DPP10: variants seen among roughly 807,000 people sequenced by gnomAD.
DPP10 encodes the protein dipeptidyl peptidase like 10, also known as inactive dipeptidyl peptidase 10.
A neutral mutation model predicts 120.9 loss-of-function variants in DPP10; 33 were observed. The observed-to-expected ratio is 0.27, with a 90% CI of 0.21 to 0.37. DPP10 has a LOEUF of 0.37. DPP10 is among the 10% of genes least tolerant of loss of function. The probability of loss-of-function intolerance (pLI) is 1.00; values close to 1 mark genes in which losing one functional copy is unlikely to be tolerated. For missense variants in DPP10, 816 were observed against 942.8 expected (o/e 0.87, Z 1.76); for synonymous variants, 337 against 326.1 (o/e 1.03, Z -0.36).
chr2:114,544,992 C>G (rs1024869105), intron 1 of DPP10, among the ~76,000 whole-genome samples: 2 of 151,940 alleles, frequency 1.3e-5, no homozygotes, highest in Non-Finnish European at 2.9e-5. Context: ...GCTGGGATTA[C>G]AGGCGCCCGC....
At chr2:114,650,941 A>G (rs182708048) in intron 1 of DPP10, among the ~76,000 whole-genome samples, 3 of 152,262 alleles carry the variant, frequency 2.0e-5, no homozygotes, top group African/African-American at 4.8e-5. Context: ...CTAGCTAACT[A>G]TAACTCATAC....
chr2:115,551,317 T>C (rs962330668), intron 5 of DPP10, among the ~76,000 whole-genome samples: 2 of 152,110 alleles, frequency 1.3e-5, no homozygotes, highest in Non-Finnish European at 2.9e-5. Flanking sequence ...TAAGAACAAA[T>C]TGCTCTTGTG....
At chr2:115,509,645 G>A (rs544967718) in intron 4 of DPP10, among the ~76,000 whole-genome samples, 6 of 152,170 alleles carry the variant, frequency 3.9e-5, no homozygotes, top group South Asian at 2.1e-4. Flanking sequence ...CAGCCTGGAC[G>A]ACAGAGCAAG....
intron 1 of DPP10, among the ~76,000 whole-genome samples, chr2:114,621,678 A>T (rs922318690): frequency 6.6e-5 from 10 of 152,110 alleles, no homozygotes; most frequent in East Asian, 1.9e-4. Flanking sequence ...GCAAAATGAC[A>T]TGAAACCTCT....
intron 5 of DPP10, among the ~76,000 whole-genome samples, chr2:115,529,208 T>C (rs1387858311): frequency 3.3e-5 from 5 of 152,108 alleles, no homozygotes; most frequent in Non-Finnish European, 7.4e-5. Context: ...TTCACTCTTG[T>C]TGCCCAGGCT....
At chr2:114,456,842 A>G (rs968134954) in intron 1 of DPP10, among the ~76,000 whole-genome samples, 1 of 152,210 alleles carries the variant, frequency 6.6e-6, no homozygotes, top group African/African-American at 2.4e-5. Context: ...ATATGAAGCC[A>G]GCATAAAGTG....
chr2:115,162,110 T>A, intron 1 of DPP10: 2 of 1,512,524 alleles, frequency 1.3e-6, no homozygotes, highest in Non-Finnish European at 1.8e-6. Flanking sequence ...CTTCCCAGGC[T>A]GGGCTCCCGC....
At chr2:114,822,634 G>A (rs769522788) in intron 1 of DPP10, among the ~76,000 whole-genome samples, 5 of 151,652 alleles carry the variant, frequency 3.3e-5, no homozygotes, top group Non-Finnish European at 5.9e-5. Flanking sequence ...AATGCTTTAA[G>A]TTCTAGGGTA....
intron 1 of DPP10, among the ~76,000 whole-genome samples, chr2:115,010,282 A>G (rs1183505126): frequency 4.6e-5 from 7 of 152,220 alleles, no homozygotes; most frequent in Admixed American, 3.9e-4. Context: ...CACAGTTGCT[A>G]TCTATCCAGT....
intron 5 of DPP10, among the ~76,000 whole-genome samples, chr2:115,634,278 G>C (rs1261181783): frequency 6.6e-6 from 1 of 152,136 alleles, no homozygotes; most frequent in Non-Finnish European, 1.5e-5. Context: ...GAGGAGAAGA[G>C]GCACTCTGGC....
chr2:114,967,700 C>T lies in DPP10; in HGVS notation c.61-341539C>T, dbSNP rs145505976. Among the ~76,000 whole-genome samples the T allele has an allele frequency of 3.6e-3, 549 of 152,224 alleles. 4 individuals carry two copies. The highest frequency in any genetic ancestry group is 0.013 in the African/African-American group (526 of 41,550). On this transcript the variant is annotated intron_variant, in intron 1 of 25. Transcript: ENST00000410059. ...TATGTTTTCAAAGCTGCTTATTGGT[C>T]GTGAGACCCAAAAGTCTTGGTCATT...
Position 115,220,040 on chromosome 2 carries a change from A to G in DPP10, c.61-89199A>G, listed in dbSNP as rs531437826. On this transcript the variant is annotated intron_variant, in intron 1 of 25. Transcript: ENST00000410059. Reference sequence around the variant, plus strand: ...TTACTGAACACTTACTGTGATCTTTATAAGGGTCAGCTAACTTAATCTTTA... The same window carrying G: ...TTACTGAACACTTACTGTGATCTTTGTAAGGGTCAGCTAACTTAATCTTTA... 2.0e-5 allele frequency among the ~76,000 whole-genome samples: 3 copies of G among 152,316 alleles called. No individual in the cohort carries two copies. The South Asian group carries it at 6.2e-4, about 32-fold the overall frequency.
chr2:115,371,031 A>G (rs1388129618), intron 3 of DPP10, among the ~76,000 whole-genome samples: 3 of 152,148 alleles, frequency 2.0e-5, no homozygotes, highest in African/African-American at 7.2e-5. Flanking sequence ...TTGTTAAAAA[A>G]TTAAAGGTTT....
chr2:115,830,217 G>A (rs1222165685), intron 21 of DPP10, among the ~76,000 whole-genome samples: 2 of 151,998 alleles, frequency 1.3e-5, no homozygotes, highest in Non-Finnish European at 2.9e-5. Flanking sequence ...AATTGGCTGG[G>A]TGTGGTGGCG....
rs11399436 is a variant in DPP10 at position 115,723,622 on chromosome 2, G to GTTT, written c.577-4181_577-4179dup. On this transcript the variant is annotated intron_variant, in intron 7 of 25. Coordinates refer to ENST00000410059, the MANE Select transcript of DPP10 (RefSeq NM_020868.6). The stretch of plus-strand genomic sequence containing the variant: ...TTTGTTGTTGTTGTTGTTGTTTTTT[G>GTTT]TTTTTTTTTTTTTTTACACGGCTAG... Among the ~76,000 whole-genome samples, 115 of 142,962 alleles carry GTTT rather than the reference G, an allele frequency of 8.0e-4. 2 individuals are homozygous for GTTT. The highest frequency in any genetic ancestry group is 2.8e-3 in the African/African-American group (107 of 37,850). 93.8% of individuals were successfully genotyped at this position (142,962 alleles called of 152,430 possible).
intron 1 of DPP10, among the ~76,000 whole-genome samples, chr2:114,476,603 T>A (rs1233467249): frequency 1.3e-5 from 2 of 152,190 alleles, no homozygotes; most frequent in African/African-American, 2.4e-5. Context: ...TCTTCTTGTG[T>A]TTACATTTAT....
chr2:115,071,581 T>G (rs1218798202), intron 1 of DPP10, among the ~76,000 whole-genome samples: 1 of 152,140 alleles, frequency 6.6e-6, no homozygotes. Context: ...TCAGGTGAGT[T>G]TCTGTTCCTT....
chr2:115,792,989 TA>T (rs1023815908), intron 19 of DPP10, among the ~76,000 whole-genome samples: 130 of 152,302 alleles, frequency 8.5e-4, no homozygotes, highest in African/African-American at 3.0e-3. Flanking sequence ...GTGTCACACA[TA>T]GGGGGAAAAC....
At chr2:115,029,396 T>G (rs573161022) in intron 1 of DPP10, among the ~76,000 whole-genome samples, 1 of 152,108 alleles carries the variant, frequency 6.6e-6, no homozygotes, top group East Asian at 1.9e-4. Context: ...GGTTTGTCTG[T>G]GTACTTAATT....
Sources: allele counts gnomAD v4.1 joint callset (sites outside exome capture counted in the v4.1 genomes callset), GRCh38; gene constraint gnomAD v4.1.1; transcripts MANE v1.5; gene names NCBI Gene and HGNC (gene_info 2026-07-23, HGNC 2026-07-21).